The following MCF2L variants were observed in gnomAD, a reference collection of about 807,000 sequenced individuals.
MCF2L encodes the protein guanine nucleotide exchange factor DBS.
Under a neutral mutation model 153.4 loss-of-function variants are expected in MCF2L, and 97 were observed. That is an observed-to-expected ratio of 0.63 (90% CI 0.54 to 0.75). MCF2L has a LOEUF of 0.75. Ranked by LOEUF, MCF2L falls within the 30% of genes least tolerant of loss-of-function variation. The probability of loss-of-function intolerance (pLI) is 0.00; values close to 1 mark genes in which losing one functional copy is unlikely to be tolerated. For synonymous variants in MCF2L, 659 were observed against 632.2 expected (o/e 1.04, Z -0.64); for missense variants, 1,347 against 1,495.2 (o/e 0.90, Z 1.64).
At chr13:113,018,290 G>A (rs548740169) in intron 2 of MCF2L, among the ~76,000 whole-genome samples, 5 of 152,236 alleles carry the variant, frequency 3.3e-5, no homozygotes, top group Admixed American at 1.3e-4. Context: ...TGTGTCCCTC[G>A]TAATCCACAC....
At chr13:113,083,892 C>A in intron 17 of MCF2L, 106 bp from the exon 18 acceptor site, 1 of 848,162 alleles carries the variant, frequency 1.2e-6, no homozygotes. Context: ...GCAGATTGCC[C>A]AGAGCAAGGC....
rs779286020 is a variant in MCF2L, at chr13:113,084,026, A to C, written c.2020A>C (p.Thr674Pro). Residue 674 changes from threonine (T) to proline (P), a missense_variant, in exon 18 of 30, where the codon ACT becomes CCT. Coordinates refer to ENST00000535094, the MANE Select transcript of MCF2L (RefSeq NM_001112732.3). ...RIFLRELENY[T>P]DCPELVGRCF... ...ATTCCTCAGGGAGCTGGAAAACTAC[A>C]CTGACTGCCCAGAACTGGTTGGAAG... 6 of 1,613,850 alleles carry C rather than the reference A, an allele frequency of 3.7e-6. No individual in the cohort carries two copies. The highest frequency in any genetic ancestry group is 5.1e-6 in the Non-Finnish European group (6 of 1,179,906).
At chr13:112,955,863 T>C (rs534131213) in intron 2 of MCF2L, among the ~76,000 whole-genome samples, 1 of 152,314 alleles carries the variant, frequency 6.6e-6, no homozygotes, top group Non-Finnish European at 1.5e-5. Context: ...CGCTGGAGAA[T>C]AAACGTCAGC....
intron 1 of MCF2L, among the ~76,000 whole-genome samples, chr13:112,895,043 AACAG>A (rs1345320523): frequency 1.7e-4 from 26 of 152,104 alleles, no homozygotes; most frequent in Non-Finnish European, 3.5e-4. Context: ...CAGGTCCCCA[AACAG>A]ACAGCGGGAA....
intron 4 of MCF2L, among the ~76,000 whole-genome samples, chr13:113,048,278 T>G (rs1270348457): frequency 6.6e-6 from 1 of 152,166 alleles, no homozygotes; most frequent in Admixed American, 6.5e-5. Context: ...ATTTTTGCAT[T>G]GATTCTTACA....
chr13:112,939,008 C>T (rs780215923), intron 2 of MCF2L, among the ~76,000 whole-genome samples: 12 of 152,140 alleles, frequency 7.9e-5, no homozygotes, highest in Non-Finnish European at 1.8e-4. Flanking sequence ...GTCCCTCTTG[C>T]ACGAGGACAG....
At chr13:113,012,198 G>A (rs1249807063) in intron 1 of MCF2L, among the ~76,000 whole-genome samples, 7 of 89,880 alleles carry the variant, frequency 7.8e-5, no homozygotes, top group Admixed American at 1.1e-4. Flanking sequence ...GTGGACAGGC[G>A]GTGTGGACGG....
At chr13:112,897,840 G>T (rs1017529431) in intron 1 of MCF2L, among the ~76,000 whole-genome samples, 3 of 152,226 alleles carry the variant, frequency 2.0e-5, no homozygotes, top group Non-Finnish European at 4.4e-5. Flanking sequence ...TGAGGGTGGT[G>T]CTGACTGGCA....
chr13:113,061,797 C>T (rs1323017563), intron 5 of MCF2L, among the ~76,000 whole-genome samples: 1 of 21,466 alleles, frequency 4.7e-5, no homozygotes, highest in African/African-American at 2.3e-4. Flanking sequence ...CCCCCTTCCC[C>T]TCCCTTCCCT....
chr13:112,926,023 A>T (rs1422884820), intron 2 of MCF2L, among the ~76,000 whole-genome samples: 1 of 152,278 alleles, frequency 6.6e-6, no homozygotes, highest in African/African-American at 2.4e-5. Flanking sequence ...GATATCAACC[A>T]GTAGTTCACA....
intron 3 of MCF2L, chr13:113,044,543 T>G (rs995264744): frequency 8.1e-6 from 11 of 1,363,322 alleles, no homozygotes; most frequent in South Asian, 1.3e-5. Flanking sequence ...CCCGTGTGGT[T>G]GTTTCTGCTT....
intron 2 of MCF2L, among the ~76,000 whole-genome samples, chr13:112,915,324 G>A (rs1490367851): frequency 4.0e-5 from 6 of 148,592 alleles, no homozygotes; most frequent in African/African-American, 1.2e-4. Flanking sequence ...CAGGAGAATC[G>A]CTTGAACCCG....
chr13:113,056,710 GTGTT>G (rs540207062), intron 4 of MCF2L, among the ~76,000 whole-genome samples: 5 of 145,288 alleles, frequency 3.4e-5, no homozygotes, highest in African/African-American at 1.3e-4. Flanking sequence ...TAGGTGCTGT[GTGTT>G]TGGGTGCTGA....
In MCF2L at chr13:112,969,629, G is replaced by A; in HGVS notation, c.79+171G>A. On this transcript the variant is annotated intron_variant, in intron 1 of 29. Coordinates refer to ENST00000535094, the MANE Select transcript of MCF2L (RefSeq NM_001112732.3). The surrounding 1 kb of genome is among the most constrained non-coding windows in gnomAD (Gnocchi z 4.8). ...AGCTGGTGTGTTTTCAGAGGCTGTCGGCGATCGTATGCTGCCCGGGATAGT... is the reference window on the plus strand; with the variant it reads ...AGCTGGTGTGTTTTCAGAGGCTGTCAGCGATCGTATGCTGCCCGGGATAGT... 4.1e-6 allele frequency: 3 copies of A among 740,646 alleles called. No homozygotes were observed. Among genetic ancestry groups the A allele is most frequent in the Non-Finnish European group, 4.9e-6 (3 of 606,276 alleles). 45.9% of individuals were successfully genotyped at this position (740,646 alleles called of 1,614,324 possible).
intron 1 of MCF2L, among the ~76,000 whole-genome samples, chr13:112,976,989 G>A (rs546562517): frequency 4.6e-5 from 7 of 152,112 alleles, no homozygotes; most frequent in Admixed American, 1.3e-4. Flanking sequence ...TGCACCCCAC[G>A]CTTTACTGAG....
At chr13:113,044,681 G>A (rs773538021) in intron 3 of MCF2L, 14 of 1,612,364 alleles carry the variant, frequency 8.7e-6, no homozygotes, top group Middle Eastern at 1.6e-4. Context: ...ATCCGAGGAC[G>A]GAGGCTGTCG....
chr13:113,066,008 G>A (rs773661939), intron 7 of MCF2L, 38 bp from the exon 8 acceptor site: 1 of 1,602,642 alleles, frequency 6.2e-7, no homozygotes, highest in South Asian at 1.1e-5. Flanking sequence ...CTGTGTGCCT[G>A]GACGGGGCCG....
intron 2 of MCF2L, among the ~76,000 whole-genome samples, chr13:112,933,745 G>C (rs2081486969): frequency 6.6e-6 from 1 of 152,254 alleles, no homozygotes; most frequent in African/African-American, 2.4e-5. Context: ...TCATGACGCA[G>C]CTGGCCCTTG....
chr13:113,054,141 TAGTCCCC>T lies in MCF2L; in HGVS notation c.370-6450_370-6444del, dbSNP rs2087564226. 6.6e-6 allele frequency among the ~76,000 whole-genome samples: 1 copy of T among 152,126 alleles called. No homozygotes were observed. Among genetic ancestry groups the T allele is most frequent in the East Asian group, 1.9e-4 (1 of 5,190 alleles). ...TCAACAGACTGTCCTATTTTCATAG[TAGTCCCC>T]ACCCAAATGTCATTCGAGTCCAATC... On this transcript the variant is annotated intron_variant, in intron 4 of 29. Coordinates refer to ENST00000535094, the MANE Select transcript of MCF2L (RefSeq NM_001112732.3). The surrounding 1 kb of genome is among the most constrained non-coding windows in gnomAD (Gnocchi z 5.2).
Sources: gnomAD v4.1 joint callset for allele counts (sites outside exome capture counted in the v4.1 genomes callset) on GRCh38, gnomAD v4.1.1 for gene constraint, Gnocchi (gnomAD v3.1) non-coding constraint, MANE v1.5 for transcripts, NCBI Gene and HGNC (gene_info 2026-07-23, HGNC 2026-07-21) for gene names.